The following PRPF6 variants were observed in gnomAD, a reference collection of about 807,000 sequenced individuals.
The protein encoded by PRPF6 is pre-mRNA processing factor 6, also known as pre-mRNA-processing factor 6.
In PRPF6, 42 loss-of-function variants were observed where a neutral mutation model predicts 118.3. The observed-to-expected ratio is 0.35, with a 90% CI of 0.28 to 0.46. The LOEUF is 0.46. Ranked by LOEUF, PRPF6 falls within the 20% of genes least tolerant of loss-of-function variation. PRPF6 has a pLI of 1.00. For missense variants in PRPF6, 662 were observed against 1,255.7 expected (o/e 0.53, Z 7.15); for synonymous variants, 481 against 485.1 (o/e 0.99, Z 0.11).
intron 12 of PRPF6, among the ~76,000 whole-genome samples, chr20:64,021,988 C>CTGTGTGTGTGTGTGTGTGTGTG (rs111363019): frequency 1.5e-4 from 20 of 135,838 alleles, no homozygotes; most frequent in African/African-American, 4.6e-4. Flanking sequence ...GGCCACAGCC[C>CTGTGTGTGTGTGTGTGTGTGTG]TGTGTGTGTG....
intron 12 of PRPF6, among the ~76,000 whole-genome samples, chr20:64,021,934 CGTGTGTGTGCGTGT>C: frequency 7.1e-6 from 1 of 141,600 alleles, no homozygotes; most frequent in Admixed American, 7.2e-5. Context: ...CAGCCACAGC[CGTGTGTGTGCGTGT>C]GTGTGTGTGT....
chr20:63,998,973 C>T, intron 6 of PRPF6, 72 bp from the exon 7 acceptor site: 1 of 1,094,944 alleles, frequency 9.1e-7, no homozygotes, highest in African/African-American at 1.5e-5. Context: ...GGAGGGGCAC[C>T]AGGGACCCTC....
Position 63,998,627 on chromosome 20 carries a change from G to T in PRPF6, c.772-418G>T, listed in dbSNP as rs573845893. On this transcript the variant is annotated intron_variant, in intron 6 of 20. Coordinates refer to ENST00000266079, the MANE Select transcript of PRPF6 (RefSeq NM_012469.4). The stretch of plus-strand genomic sequence containing the variant: ...GAGGCCGAGGCGGGCGGATCACGAG[G>T]TCAGGAGATCGAGACCATCCTGGCT... 8.8e-3 allele frequency among the ~76,000 whole-genome samples: 1,315 copies of T among 149,300 alleles called. 36 individuals carry two copies. Among genetic ancestry groups the T allele is most frequent in the Non-Finnish European group, 6.0e-3 (407 of 67,462 alleles).
chr20:64,016,698 A>C, intron 11 of PRPF6, 25 bp from the exon 12 acceptor site: 1 of 1,613,682 alleles, frequency 6.2e-7, no homozygotes, highest in Middle Eastern at 1.7e-4. Context: ...CAAAATCACA[A>C]ATAAGTTTTG....
intron 3 of PRPF6, among the ~76,000 whole-genome samples, chr20:63,989,903 G>C (rs375686094): frequency 6.6e-6 from 1 of 152,062 alleles, no homozygotes; most frequent in East Asian, 1.9e-4. Context: ...GTAAAATATA[G>C]TTCTTCTGGA....
intron 3 of PRPF6, among the ~76,000 whole-genome samples, chr20:63,991,208 G>T (rs1461260328): frequency 6.6e-6 from 1 of 152,068 alleles, no homozygotes; most frequent in Non-Finnish European, 1.5e-5. Flanking sequence ...AGGACCACTT[G>T]AGTCTAGGAG....
At chr20:64,023,198 C>T (rs966487655) in intron 13 of PRPF6, among the ~76,000 whole-genome samples, 4 of 152,218 alleles carry the variant, frequency 2.6e-5, no homozygotes, top group African/African-American at 4.8e-5. Flanking sequence ...GGCCCATGGC[C>T]GAGCACTGGC....
intron 9 of PRPF6, among the ~76,000 whole-genome samples, chr20:64,008,067 G>A (rs2059198585): frequency 6.6e-6 from 1 of 152,134 alleles, no homozygotes; most frequent in Non-Finnish European, 1.5e-5. Context: ...GTGAGCTACG[G>A]GCTGTACCTG....
intron 12 of PRPF6, among the ~76,000 whole-genome samples, chr20:64,017,568 C>G (rs955950062): frequency 2.0e-5 from 3 of 149,618 alleles, no homozygotes; most frequent in Admixed American, 6.6e-5. Context: ...GTGCTGGGAT[C>G]ACAGGCGTGA....
chr20:63,999,714 A>G lies in PRPF6; in HGVS notation c.978A>G (p.Gln326=). Residue 326 remains glutamine (Q), a synonymous_variant, in exon 8 of 21, where the codon CAA becomes CAG. Transcript: ENST00000266079. The part of the protein sequence containing the change: ...ARLEEVTGKL[Q]VARNLIMKGT... ...TGGAAGAAGTCACTGGGAAGCTACA[A>G]GTAGCTCGGAACCTTATCATGAAGG... The G allele has an allele frequency of 2.5e-6, 4 of 1,614,208 alleles. No homozygotes were observed. Among genetic ancestry groups the G allele is most frequent in the Non-Finnish European group, 3.4e-6 (4 of 1,180,040 alleles).
Position 64,032,897 on chromosome 20 carries a change from G to C in PRPF6, c.2730G>C (p.Glu910Asp), listed in dbSNP as rs774199266. Residue 910 changes from glutamate to aspartate, a missense_variant, in exon 21 of 21, where the codon GAG (glutamate) becomes GAC (aspartate). Physicochemically the swap from Glu to Asp is conservative, Grantham distance 45 (BLOSUM62 2). Transcript: ENST00000266079. ...AGAGTGCAGAGCCTCGGCATGGGGA[G>C]CTGTGGTGCGCCGTGTCCAAGGACA... ...RCESAEPRHGELWCAVSKDIA... is the reference protein window; with the variant it reads ...RCESAEPRHGDLWCAVSKDIA... 2 of 1,613,270 alleles carry C rather than the reference G, an allele frequency of 1.2e-6. No homozygotes were observed. The highest frequency in any genetic ancestry group is 3.3e-5 in the Admixed American group (2 of 60,028).
At position 63,982,422 on chromosome 20, in the gene PRPF6, C is replaced by T. The variant is rs1198818902; in HGVS notation, c.72-625C>T. Among the ~76,000 whole-genome samples, 5 of 151,928 alleles carry T rather than the reference C, an allele frequency of 3.3e-5. No homozygotes were observed. In the East Asian group the frequency reaches 9.7e-4, roughly 29 times the overall value. ...CCTGACCTCATGATCCACCCGCCTC[C>T]GTCTCCCAAAGTGCTGGGATTACAG... On this transcript the variant is annotated intron_variant, in intron 1 of 20. Coordinates refer to ENST00000266079, the MANE Select transcript of PRPF6 (RefSeq NM_012469.4).
intron 3 of PRPF6, among the ~76,000 whole-genome samples, chr20:63,986,941 G>A (rs1416459829): frequency 6.6e-6 from 1 of 151,440 alleles, no homozygotes; most frequent in African/African-American, 2.4e-5. Flanking sequence ...GGCTGAGGCG[G>A]GAGGACTGCT....
At chr20:64,002,364 C>T (rs1250394809) in intron 9 of PRPF6, among the ~76,000 whole-genome samples, 2 of 145,434 alleles carry the variant, frequency 1.4e-5, no homozygotes, top group Non-Finnish European at 3.0e-5. Context: ...TAGACAGAGT[C>T]TCGCTTTGTC....
At chr20:64,019,102 T>G (rs1187933244) in intron 12 of PRPF6, among the ~76,000 whole-genome samples, 2 of 149,126 alleles carry the variant, frequency 1.3e-5, no homozygotes, top group Non-Finnish European at 3.0e-5. Flanking sequence ...GTTTTTTTTT[T>G]TTTTTTTTTT....
At chr20:64,019,457 C>T (rs2059253541) in intron 12 of PRPF6, among the ~76,000 whole-genome samples, 1 of 152,036 alleles carries the variant, frequency 6.6e-6, no homozygotes, top group African/African-American at 2.4e-5. Context: ...TCAAAGTGCT[C>T]GTGATGCTAG....
At chr20:64,020,179 G>A (rs2059256308) in intron 12 of PRPF6, among the ~76,000 whole-genome samples, 1 of 152,182 alleles carries the variant, frequency 6.6e-6, no homozygotes, top group Admixed American at 6.5e-5. Context: ...CTTTTGGGAG[G>A]CCGAGGTGGG....
At chr20:63,985,833 A>C (rs2059090663) in intron 3 of PRPF6, among the ~76,000 whole-genome samples, 1 of 152,214 alleles carries the variant, frequency 6.6e-6, no homozygotes, top group South Asian at 2.1e-4. Context: ...ATATTTGAAG[A>C]AGAACTAATA....
chr20:64,025,808 C>G, intron 14 of PRPF6, 131 bp from the exon 15 acceptor site: 2 of 1,539,948 alleles, frequency 1.3e-6, no homozygotes, highest in Non-Finnish European at 1.8e-6. Context: ...CTGGGAAGGG[C>G]TTGGACCAGA....
Sources: gnomAD v4.1 joint callset for allele counts (sites outside exome capture counted in the v4.1 genomes callset) on GRCh38, gnomAD v4.1.1 for gene constraint, MANE v1.5 for transcripts, NCBI Gene and HGNC (gene_info 2026-07-23, HGNC 2026-07-21) for gene names.